ITGBL1: variants seen among roughly 807,000 people sequenced by gnomAD.
ITGBL1 encodes integrin beta-like protein 1.
ITGBL1 carries 51 observed loss-of-function variants against 68.5 expected under a neutral mutation model. The observed-to-expected ratio is 0.74, with a 90% CI of 0.59 to 0.94. The LOEUF (loss-of-function observed/expected upper bound fraction) is 0.94, where lower values mean the gene tolerates loss of function less well. Ranked by LOEUF, ITGBL1 falls within the 40% of genes least tolerant of loss-of-function variation. ITGBL1 has a pLI of 0.00. For synonymous variants in ITGBL1, 209 were observed against 227.3 expected (o/e 0.92, Z 0.72); for missense variants, 649 against 647.4 (o/e 1.00, Z -0.03).
chr13:101,496,703 C>T (rs943492739), intron 2 of ITGBL1, among the ~76,000 whole-genome samples: 1 of 152,138 alleles, frequency 6.6e-6, no homozygotes. Flanking sequence ...TAGCGGTAAT[C>T]ACAAATCCAC....
intron 2 of ITGBL1, among the ~76,000 whole-genome samples, chr13:101,536,305 C>A (rs749812838): frequency 6.6e-6 from 1 of 151,924 alleles, no homozygotes; most frequent in Non-Finnish European, 1.5e-5. Context: ...AACTTCTAGA[C>A]GCTTTCAGTT....
At chr13:101,565,467 A>G (rs1192068133) in intron 2 of ITGBL1, among the ~76,000 whole-genome samples, 1 of 152,146 alleles carries the variant, frequency 6.6e-6, no homozygotes, top group African/African-American at 2.4e-5. Flanking sequence ...TAAAGCTTAG[A>G]AAGAATGTAA....
intron 7 of ITGBL1, among the ~76,000 whole-genome samples, chr13:101,679,617 C>T (rs751575354): frequency 6.6e-6 from 1 of 152,222 alleles, no homozygotes; most frequent in Non-Finnish European, 1.5e-5. Flanking sequence ...GGACCTGTCA[C>T]TCAGTTTCAG....
chr13:101,591,776 C>T (rs889200899), intron 6 of ITGBL1, among the ~76,000 whole-genome samples: 6 of 152,012 alleles, frequency 3.9e-5, no homozygotes, highest in African/African-American at 1.4e-4. Flanking sequence ...AAGTGTAATT[C>T]CACTTTTAAA....
At chr13:101,464,198 C>G (rs1201272804) in intron 2 of ITGBL1, among the ~76,000 whole-genome samples, 1 of 152,108 alleles carries the variant, frequency 6.6e-6, no homozygotes, top group Admixed American at 6.5e-5. Flanking sequence ...CACGCCTGAC[C>G]CATTCTTAAA....
At chr13:101,565,624 CT>C (rs1566734283) in intron 2 of ITGBL1, among the ~76,000 whole-genome samples, 1 of 152,044 alleles carries the variant, frequency 6.6e-6, no homozygotes, top group African/African-American at 2.4e-5. Flanking sequence ...GAAAAGGGGC[CT>C]CGTAGCCAAA....
chr13:101,605,003 C>T (rs1267677522), intron 7 of ITGBL1, among the ~76,000 whole-genome samples: 1 of 122,072 alleles, frequency 8.2e-6, no homozygotes, highest in Non-Finnish European at 1.8e-5. Flanking sequence ...TGTATATATA[C>T]ATATATGCGT....
chr13:101,623,773 A>G (rs2031673708), intron 7 of ITGBL1, among the ~76,000 whole-genome samples: 1 of 152,340 alleles, frequency 6.6e-6, no homozygotes, highest in Admixed American at 6.5e-5. Flanking sequence ...TCTCCTTCAC[A>G]TTAGGTGAGA....
rs1355743246 is a variant in ITGBL1 at position 101,454,067 on chromosome 13, G to A, written c.283G>A (p.Val95Met). The A allele has an allele frequency of 5.0e-6, 8 of 1,588,962 alleles. No individual in the cohort carries two copies. Among genetic ancestry groups the A allele is most frequent in the Middle Eastern group, 1.7e-4 (1 of 6,008 alleles). ...FGPLCECHEW[V>M]CETYDGSTCA... ...GCCCCTGTGTGAGTGCCATGAGTGG[G>A]TGTGCGAGACCTACGACGGGAGCAC... is the stretch of plus-strand genomic sequence containing the variant. Residue 95 changes from valine to methionine, a missense_variant, in exon 2 of 11, where the codon GTG becomes ATG. Physicochemically the swap from Val to Met is conservative, Grantham distance 21 (BLOSUM62 1). Coordinates refer to ENST00000376180, the MANE Select transcript of ITGBL1 (RefSeq NM_004791.3).
At chr13:101,556,228 T>TACCTCA (rs2050003069) in intron 2 of ITGBL1, among the ~76,000 whole-genome samples, 1 of 152,224 alleles carries the variant, frequency 6.6e-6, no homozygotes, top group African/African-American at 2.4e-5. Flanking sequence ...TAACACCCAG[T>TACCTCA]ACCTCAGGAT....
intron 2 of ITGBL1, among the ~76,000 whole-genome samples, chr13:101,477,438 C>G (rs2048554016): frequency 6.6e-6 from 1 of 151,608 alleles, no homozygotes; most frequent in Admixed American, 6.6e-5. Context: ...ATTAGAAAAG[C>G]AAGAACAAAC....
intron 7 of ITGBL1, among the ~76,000 whole-genome samples, chr13:101,647,582 G>C (rs1217946645): frequency 6.6e-6 from 1 of 152,222 alleles, no homozygotes; most frequent in Non-Finnish European, 1.5e-5. Flanking sequence ...TGATTTGGGT[G>C]TGCAATTCTT....
chr13:101,511,611 G>A (rs2049116938), intron 2 of ITGBL1, among the ~76,000 whole-genome samples: 1 of 152,130 alleles, frequency 6.6e-6, no homozygotes, highest in African/African-American at 2.4e-5. Flanking sequence ...TGGAGTTAGA[G>A]CTTCAAAGCA....
chr13:101,485,376 A>G (rs1030197701), intron 2 of ITGBL1, among the ~76,000 whole-genome samples: 1 of 152,216 alleles, frequency 6.6e-6, no homozygotes, highest in Non-Finnish European at 1.5e-5. Flanking sequence ...AAGTGGGTAA[A>G]GGATATGAAT....
At chr13:101,510,730 G>A (rs549627132) in intron 2 of ITGBL1, among the ~76,000 whole-genome samples, 1 of 151,916 alleles carries the variant, frequency 6.6e-6, no homozygotes, top group Non-Finnish European at 1.5e-5. Context: ...GTTTTGATTT[G>A]CATTTTGATG....
chr13:101,550,370 G>T (rs2049901163), intron 2 of ITGBL1, among the ~76,000 whole-genome samples: 1 of 152,148 alleles, frequency 6.6e-6, no homozygotes, highest in Non-Finnish European at 1.5e-5. Flanking sequence ...AAAGAGCAGG[G>T]ACCCCGTATC....
chr13:101,465,396 A>C (rs1198456723), intron 2 of ITGBL1, among the ~76,000 whole-genome samples: 2 of 152,150 alleles, frequency 1.3e-5, no homozygotes, highest in African/African-American at 4.8e-5. Flanking sequence ...AACTATGATA[A>C]ATTTTCTCTA....
At chr13:101,543,097 A>G (rs1416459705) in intron 2 of ITGBL1, among the ~76,000 whole-genome samples, 2 of 152,150 alleles carry the variant, frequency 1.3e-5, no homozygotes, top group African/African-American at 4.8e-5. Context: ...TGATCCTGTC[A>G]TTATGATTTT....
intron 7 of ITGBL1, among the ~76,000 whole-genome samples, chr13:101,625,315 G>A (rs2031732959): frequency 1.3e-5 from 2 of 152,146 alleles, no homozygotes; most frequent in African/African-American, 2.4e-5. Flanking sequence ...CCATATAGCT[G>A]CTCAAATTCT....
Sources: gnomAD v4.1 joint callset for allele counts (sites outside exome capture counted in the v4.1 genomes callset) on GRCh38, gnomAD v4.1.1 for gene constraint, MANE v1.5 for transcripts, NCBI Gene and HGNC (gene_info 2026-07-23, HGNC 2026-07-21) for gene names.